NRIP1: variants seen among roughly 807,000 people sequenced by gnomAD.
NRIP1 encodes nuclear receptor-interacting protein 1.
Under a neutral mutation model 75.0 loss-of-function variants are expected in NRIP1, and 28 were observed. The ratio of observed to expected loss-of-function variants is 0.37; its 90% CI spans 0.28 to 0.51. The LOEUF is 0.51. NRIP1 is among the 20% of genes least tolerant of loss of function. NRIP1 has a pLI of 0.92. For synonymous variants in NRIP1, 526 were observed against 487.6 expected, an observed-to-expected ratio of 1.08 and a Z score of -1.04; for missense variants, 1,435 against 1,343.7, an observed-to-expected ratio of 1.07 and a Z score of -1.06.
In NRIP1 at chr21:15,003,968, A is replaced by C. The variant is rs17000535; in HGVS notation, c.-335+10376T>G. Among the ~76,000 whole-genome samples the C allele has an allele frequency of 7.9e-3, 1,200 of 152,296 alleles. 18 individuals are homozygous for C. Among genetic ancestry groups the C allele is most frequent in the African/African-American group, 0.028 (1,160 of 41,560 alleles). ...AGGGCAGGATGCAATGAATCACACTAACCATTTCCTCACATATAGATTTCC... is the reference window on the plus strand; with the variant it reads ...AGGGCAGGATGCAATGAATCACACTCACCATTTCCTCACATATAGATTTCC... On this transcript the variant is annotated intron_variant, in intron 3 of 3. Coordinates refer to ENST00000318948, the MANE Select transcript of NRIP1 (RefSeq NM_003489.4).
chr21:15,046,819 A>C (rs185777291), intron 1 of NRIP1, among the ~76,000 whole-genome samples: 5 of 152,268 alleles, frequency 3.3e-5, no homozygotes, highest in Admixed American at 1.3e-4. Context: ...TTCATCGTGC[A>C]CTTTTATGTT....
intron 2 of NRIP1, among the ~76,000 whole-genome samples, chr21:15,035,758 G>A (rs1177061427): frequency 1.3e-4 from 19 of 151,808 alleles, no homozygotes; most frequent in Admixed American, 1.2e-3. Context: ...AGGTTTCACT[G>A]TGCTGGCCAG....
At chr21:15,063,930 C>T (rs1245599801) in intron 1 of NRIP1, among the ~76,000 whole-genome samples, 1 of 152,240 alleles carries the variant, frequency 6.6e-6, no homozygotes, top group Admixed American at 6.5e-5. Flanking sequence ...CTGTCCGCCT[C>T]TAAGACACAG....
chr21:14,998,890 T>C (rs2087791264), intron 3 of NRIP1, among the ~76,000 whole-genome samples: 1 of 152,212 alleles, frequency 6.6e-6, no homozygotes, highest in Non-Finnish European at 1.5e-5. Context: ...TAGTTAAGTT[T>C]TGAGGGAGTC....
chr21:14,992,037 T>C (rs2072427114), intron 3 of NRIP1, among the ~76,000 whole-genome samples: 1 of 152,094 alleles, frequency 6.6e-6, no homozygotes. Flanking sequence ...AAGTCAGTCT[T>C]GTTTTGTTTT....
At chr21:14,976,110 A>G (rs1416570033) in intron 3 of NRIP1, among the ~76,000 whole-genome samples, 1 of 152,188 alleles carries the variant, frequency 6.6e-6, no homozygotes. Context: ...CATGATAATA[A>G]AATTCATGTC....
intron 2 of NRIP1, among the ~76,000 whole-genome samples, chr21:15,024,598 C>CTG (rs1370568748): frequency 3.0e-5 from 3 of 99,050 alleles, no homozygotes; most frequent in Admixed American, 1.9e-4. Context: ...GTGTGTGTGT[C>CTG]TGTGTGTGTG....
Position 14,962,706 on chromosome 21 carries a change from T to C in NRIP1, c.*2010A>G, listed in dbSNP as rs2086623419. 6.6e-6 allele frequency: 1 copy of C among 152,510 alleles called. No individual in the cohort carries two copies. Among genetic ancestry groups the C allele is most frequent in the African/African-American group, 2.4e-5 (1 of 41,444 alleles). 9.4% of individuals were successfully genotyped at this position (152,510 alleles called of 1,614,324 possible). A position where few individuals can be genotyped will look rare whatever the true frequency, so the allele number is the denominator to read the frequency against. Reference sequence around the variant, plus strand: ...GGAATTTTATGTCAGAATAAGCCTATGCCTTCACTTCTCCATGATGTTGCA... The same window carrying C: ...GGAATTTTATGTCAGAATAAGCCTACGCCTTCACTTCTCCATGATGTTGCA... On this transcript the variant is annotated 3_prime_UTR_variant, in exon 4 of 4. Transcript: ENST00000318948.
At chr21:15,019,141 TTATAA>T (rs2088306447) in intron 2 of NRIP1, among the ~76,000 whole-genome samples, 1 of 148,024 alleles carries the variant, frequency 6.8e-6, no homozygotes, top group South Asian at 2.1e-4. Flanking sequence ...ATTATTATAT[TTATAA>T]TATATATAAT....
At chr21:15,003,003 TA>T (rs1304665560) in intron 3 of NRIP1, among the ~76,000 whole-genome samples, 1 of 152,192 alleles carries the variant, frequency 6.6e-6, no homozygotes, top group Non-Finnish European at 1.5e-5. Context: ...ACTTCATAAT[TA>T]TGGCATCACG....
chr21:14,972,979 C>T (rs887649085), intron 3 of NRIP1, among the ~76,000 whole-genome samples: 2 of 152,170 alleles, frequency 1.3e-5, no homozygotes, highest in African/African-American at 4.8e-5. Flanking sequence ...GGAACCCCTG[C>T]TTCAGAGAAT....
chr21:14,980,814 T>A (rs2087213996), intron 3 of NRIP1, among the ~76,000 whole-genome samples: 1 of 152,138 alleles, frequency 6.6e-6, no homozygotes, highest in Non-Finnish European at 1.5e-5. Flanking sequence ...TTTTGATAAA[T>A]TAAATACCTT....
rs774514100 is a variant in NRIP1, at chr21:14,967,792, G to A, written c.401C>T (p.Ala134Val). ...AGAGCTGAATGACTGAAGCAAAGAG[G>A]CCAGTAATGTGCTATCCTGTTTGCC... The part of the protein sequence containing the change: ...PKGKQDSTLL[A>V]SLLQSFSSRL... Residue 134 changes from alanine (A) to valine (V), a missense_variant, in exon 4 of 4, where the codon GCC (alanine) becomes GTC (valine). Physicochemically the swap from Ala to Val is moderately conservative, Grantham distance 64. Coordinates refer to ENST00000318948, the MANE Select transcript of NRIP1 (RefSeq NM_003489.4). The A allele has an allele frequency of 6.2e-7, 1 of 1,614,028 alleles. No homozygotes were observed.
chr21:14,989,737 T>C (rs2087516394), intron 3 of NRIP1, among the ~76,000 whole-genome samples: 1 of 152,164 alleles, frequency 6.6e-6, no homozygotes, highest in Admixed American at 6.5e-5. Flanking sequence ...CCAAGCAGTT[T>C]CCCTGACTCC....
intron 3 of NRIP1, among the ~76,000 whole-genome samples, chr21:14,982,337 G>A (rs1472021094): frequency 6.6e-6 from 1 of 151,906 alleles, no homozygotes; most frequent in Non-Finnish European, 1.5e-5. Context: ...GGAGAAACAG[G>A]GCAGTAAGAA....
At chr21:15,024,137 A>T (rs572493168) in intron 2 of NRIP1, among the ~76,000 whole-genome samples, 1 of 152,376 alleles carries the variant, frequency 6.6e-6, no homozygotes, top group Non-Finnish European at 1.5e-5. Flanking sequence ...AGAAAGGTTA[A>T]CTATATGCAA....
chr21:15,001,530 T>C (rs1453214946), intron 3 of NRIP1, among the ~76,000 whole-genome samples: 1 of 152,158 alleles, frequency 6.6e-6, no homozygotes, highest in Non-Finnish European at 1.5e-5. Context: ...AATTGTACAC[T>C]ACAAGTCTCT....
intron 1 of NRIP1, among the ~76,000 whole-genome samples, chr21:15,048,823 T>C (rs1451549201): frequency 6.6e-6 from 1 of 152,176 alleles, no homozygotes; most frequent in East Asian, 1.9e-4. Context: ...TACAAAAAAG[T>C]AGAATGTGTG....
intron 3 of NRIP1, among the ~76,000 whole-genome samples, chr21:14,995,781 G>A (rs940667714): frequency 1.3e-5 from 2 of 152,074 alleles, no homozygotes; most frequent in Admixed American, 1.3e-4. Flanking sequence ...GTGTGTGTGT[G>A]TGTGTGTATT....
Sources: allele counts gnomAD v4.1 joint callset (sites outside exome capture counted in the v4.1 genomes callset), GRCh38; gene constraint gnomAD v4.1.1; transcripts MANE v1.5; gene names NCBI Gene and HGNC (gene_info 2026-07-23, HGNC 2026-07-21).